The following ZC3HAV1 variants were observed in gnomAD, a reference collection of about 807,000 sequenced individuals.
ZC3HAV1 encodes zinc finger CCCH-type antiviral protein 1.
Under a neutral mutation model 86.6 loss-of-function variants are expected in ZC3HAV1, and 41 were observed. That is an observed-to-expected ratio of 0.47 (90% CI 0.37 to 0.61). The LOEUF (loss-of-function observed/expected upper bound fraction) is 0.61. ZC3HAV1 is among the 20% of genes least tolerant of loss of function. The pLI, the probability that ZC3HAV1 is intolerant of heterozygous loss-of-function variation, is 0.00. For synonymous variants in ZC3HAV1, 421 were observed against 432.1 expected (o/e 0.97, Z 0.32); for missense variants, 964 against 1,141.1 (o/e 0.84, Z 2.24).
At position 139,060,607 on chromosome 7, in the gene ZC3HAV1, G is replaced by A. The variant is rs1313708922; in HGVS notation, c.2096+429C>T. Reference sequence around the variant, plus strand: ...TGTAATCCCAGCACTTTGGGAGACTGAGGTAGGAGGATCACTTGAGCTCAG... The same window carrying A: ...TGTAATCCCAGCACTTTGGGAGACTAAGGTAGGAGGATCACTTGAGCTCAG... On this transcript the variant is annotated intron_variant, in intron 9 of 12. Coordinates refer to ENST00000242351, the MANE Select transcript of ZC3HAV1 (RefSeq NM_020119.4). The A allele has an allele frequency of 6.7e-6, 7 of 1,043,614 alleles. No homozygotes were observed. In the East Asian group the frequency reaches 4.3e-4, roughly 64 times the overall value. The allele number at this position is 1,043,614 out of a possible 1,614,324, so 64.6% of individuals were successfully genotyped here. A position where few individuals can be genotyped will look rare whatever the true frequency, so the allele number is the denominator to read the frequency against.
intron 7 of ZC3HAV1, 36 bp downstream of exon 7, chr7:139,073,820 A>C: frequency 6.4e-7 from 1 of 1,561,416 alleles, no homozygotes; most frequent in Non-Finnish European, 8.7e-7. Context: ...TGACAAGTTT[A>C]AACAAGAGCC....
chr7:139,066,505 T>C (rs1816611853), intron 7 of ZC3HAV1, among the ~76,000 whole-genome samples: 1 of 152,050 alleles, frequency 6.6e-6, no homozygotes, highest in South Asian at 2.1e-4. Flanking sequence ...GTACAAAGGG[T>C]GGAAGGGACA....
Position 139,079,554 on chromosome 7 carries a change from G to A in ZC3HAV1, c.1387C>T (p.Gln463Ter), listed in dbSNP as rs1210520520. 1 of 1,614,042 alleles carries A rather than the reference G, an allele frequency of 6.2e-7. No individual in the cohort carries two copies. The highest frequency in any genetic ancestry group is 8.5e-7 in the Non-Finnish European group (1 of 1,180,042). The change falls in exon 4 of 13, where the codon CAG becomes TAG. Residue 463 changes from glutamine (Q) to a stop codon, truncating the protein, a stop_gained. Transcript: ENST00000242351. LOFTEE classifies it high-confidence loss of function. ...TCTCGGGAAGCAGGTCCAGCATCCTGAATCCTAGGTGATGATATTTCTCTG... is the reference window on the plus strand; with the variant it reads ...TCTCGGGAAGCAGGTCCAGCATCCTAAATCCTAGGTGATGATATTTCTCTG... Reference protein sequence around the residue: ...GHREISSPRIQDAGPASRDVQ... With the variant: ...GHREISSPRI
rs1422170533 is a variant in ZC3HAV1 at position 139,044,809 on chromosome 7, AT to A, written c.*2784del. ...AGCTCGTCTGCAAGAATATATCCTC[AT>A]TTTCTCCACTTCGACAACTGTACAT... is the stretch of plus-strand genomic sequence containing the variant. On this transcript the variant is annotated 3_prime_UTR_variant, in exon 13 of 13. Coordinates refer to ENST00000242351, the MANE Select transcript of ZC3HAV1 (RefSeq NM_020119.4). 1 of 152,282 alleles carries A rather than the reference AT, an allele frequency of 6.6e-6. No individual in the cohort carries two copies. The highest frequency in any genetic ancestry group is 6.6e-5 in the Admixed American group (1 of 15,258). 9.4% of individuals were successfully genotyped at this position (152,282 alleles called of 1,614,324 possible). A position where few individuals can be genotyped will look rare whatever the true frequency, so the allele number is the denominator to read the frequency against.
Position 139,055,280 on chromosome 7 carries a change from C to A in ZC3HAV1, c.2112G>T (p.Lys704Asn), listed in dbSNP as rs199696836. The A allele has an allele frequency of 6.2e-7, 1 of 1,612,764 alleles. No homozygotes were observed. The highest frequency in any genetic ancestry group is 8.5e-7 in the Non-Finnish European group (1 of 1,179,238). The change falls in exon 10 of 13, where the codon AAG becomes AAT. Residue 704 changes from lysine to asparagine, a missense_variant. Coordinates refer to ENST00000242351, the MANE Select transcript of ZC3HAV1 (RefSeq NM_020119.4). Reference sequence around the variant, plus strand: ...TCGCAGTTAAAGACACTGACGAGGTCTTTGCTGGCTGATGGCTACAAATAA... The same window carrying A: ...TCGCAGTTAAAGACACTGACGAGGTATTTGCTGGCTGATGGCTACAAATAA... Reference protein sequence around the residue: ...MKRGPDHQPAKTSSVSLTATF... With the variant: ...MKRGPDHQPANTSSVSLTATF...
At chr7:139,049,826 G>A (rs1417411457) in intron 12 of ZC3HAV1, 1 of 152,944 alleles carries the variant, frequency 6.5e-6, no homozygotes, top group Non-Finnish European at 1.5e-5. Flanking sequence ...TCGTAACGTT[G>A]GAATGGTACA....
At chr7:139,068,024 T>TTTA (rs142686573) in intron 7 of ZC3HAV1, among the ~76,000 whole-genome samples, 15,259 of 141,790 alleles carry the variant, frequency 0.11, 937 homozygotes, top group South Asian at 0.2. Flanking sequence ...TCTTTCTTTC[T>TTTA]TTATTATTAT....
At position 139,109,266 on chromosome 7, in the gene ZC3HAV1, G is replaced by A. The variant is rs1433200246; in HGVS notation, c.66C>T (p.Ala22=). The A allele has an allele frequency of 6.2e-7, 1 of 1,611,904 alleles. No individual in the cohort carries two copies. Among genetic ancestry groups the A allele is most frequent in the South Asian group, 1.1e-5 (1 of 90,870 alleles). The change falls in exon 1 of 13, where the codon GCC becomes GCT. Residue 22 remains alanine, a synonymous_variant. Transcript: ENST00000242351. ...CGATCTCCTGGAGCAGCGCGTCCAG[G>A]GCCATGCGGCCCCCGTGGGCGCACA... ...KILCAHGGRM[A]LDALLQEIAL...
intron 7 of ZC3HAV1, among the ~76,000 whole-genome samples, chr7:139,067,052 C>A (rs1348886754): frequency 1.3e-5 from 2 of 152,198 alleles, no homozygotes; most frequent in African/African-American, 2.4e-5. Context: ...AGGGTCTAGA[C>A]CAGTGCTGTT....
Position 139,061,025 on chromosome 7 carries a change from A to C in ZC3HAV1, c.2096+11T>G. 1 of 1,613,586 alleles carries C rather than the reference A, an allele frequency of 6.2e-7. No individual in the cohort carries two copies. The highest frequency in any genetic ancestry group is 8.5e-7 in the Non-Finnish European group (1 of 1,179,942). ...GCATCTGTCAGCAAACAGCTGCTTCAGAACACTTACTCTGGCCCTCTCTTC... is the reference window on the plus strand; with the variant it reads ...GCATCTGTCAGCAAACAGCTGCTTCCGAACACTTACTCTGGCCCTCTCTTC... On this transcript the variant is annotated intron_variant, in intron 9 of 12. Transcript: ENST00000242351.
At chr7:139,099,085 T>C (rs1189376174) in intron 1 of ZC3HAV1, among the ~76,000 whole-genome samples, 1 of 152,182 alleles carries the variant, frequency 6.6e-6, no homozygotes, top group African/African-American at 2.4e-5. Context: ...GATTTTATCA[T>C]GGTTCACAAT....
At chr7:139,100,677 G>T (rs374236489) in intron 1 of ZC3HAV1, among the ~76,000 whole-genome samples, 1 of 152,210 alleles carries the variant, frequency 6.6e-6, no homozygotes, top group African/African-American at 2.4e-5. Flanking sequence ...TTATTCTTCT[G>T]GTGGGAGTAT....
chr7:139,095,375 G>A (rs1324503812), intron 1 of ZC3HAV1, among the ~76,000 whole-genome samples: 2 of 152,174 alleles, frequency 1.3e-5, no homozygotes, highest in Non-Finnish European at 2.9e-5. Context: ...TAGACCAGAC[G>A]AGATCACATG....
intron 1 of ZC3HAV1, among the ~76,000 whole-genome samples, chr7:139,100,129 A>T (rs1817707607): frequency 6.6e-6 from 1 of 152,102 alleles, no homozygotes; most frequent in African/African-American, 2.4e-5. Flanking sequence ...TGACCAAAAA[A>T]GTAAAATGCG....
At chr7:139,076,567 G>A (rs915545349) in intron 5 of ZC3HAV1, among the ~76,000 whole-genome samples, 158 bp from the exon 6 acceptor site, 2 of 151,962 alleles carry the variant, frequency 1.3e-5, no homozygotes, top group Non-Finnish European at 2.9e-5. Context: ...CATTATCCAG[G>A]TTCCTTCATT....
At chr7:139,078,693 G>A (rs1817030926) in intron 4 of ZC3HAV1, 40 bp from the exon 5 acceptor site, 5 of 1,442,138 alleles carry the variant, frequency 3.5e-6, no homozygotes, top group Non-Finnish European at 4.7e-6. Context: ...TGATCTTAAT[G>A]TTTAAACCAA....
chr7:139,066,752 C>T (rs1031194458), intron 7 of ZC3HAV1, among the ~76,000 whole-genome samples: 1 of 152,160 alleles, frequency 6.6e-6, no homozygotes, highest in Non-Finnish European at 1.5e-5. Context: ...TTGGTATCCC[C>T]TGGTTTGACC....
In ZC3HAV1 at chr7:139,047,819, G is replaced by T. The variant is rs776701019; in HGVS notation, c.2484C>A (p.His828Gln). The T allele has an allele frequency of 6.2e-7, 1 of 1,613,658 alleles. No homozygotes were observed. The change falls in exon 13 of 13, where the codon CAC (histidine) becomes CAA (glutamine). Residue 828 changes from histidine to glutamine, a missense_variant. Physicochemically the swap from His to Gln is conservative, Grantham distance 24. Transcript: ENST00000242351. ...IYFAKDAIYS[H>Q]KNCPYDAKNV... ...TTTTGGCATCATACGGGCAATTTTTGTGGGAATAGATGGCATCTTTTGCAA... is the reference window on the plus strand; with the variant it reads ...TTTTGGCATCATACGGGCAATTTTTTTGGGAATAGATGGCATCTTTTGCAA...
At position 139,044,191 on chromosome 7, in the gene ZC3HAV1, T is replaced by C. The variant is rs531549315; in HGVS notation, c.*3403A>G. On this transcript the variant is annotated 3_prime_UTR_variant, in exon 13 of 13. Coordinates refer to ENST00000242351, the MANE Select transcript of ZC3HAV1 (RefSeq NM_020119.4). ...CCTATTATCCTTAAGTAAGGTAATT[T>C]CGCTCTTTCTTTTCCCATATACAGA... The C allele has an allele frequency of 6.6e-6, 1 of 152,354 alleles. No homozygotes were observed. The highest frequency in any genetic ancestry group is 2.4e-5 in the African/African-American group (1 of 41,590). The allele number at this position is 152,354 out of a possible 1,614,324, so 9.4% of individuals were successfully genotyped here.
Sources: allele counts gnomAD v4.1 joint callset (sites outside exome capture counted in the v4.1 genomes callset), GRCh38; gene constraint gnomAD v4.1.1; transcripts MANE v1.5; gene names NCBI Gene and HGNC (gene_info 2026-07-23, HGNC 2026-07-21).